LUZP2: variants seen among roughly 807,000 people sequenced by gnomAD.
LUZP2 encodes the protein leucine zipper protein 2.
LUZP2 carries 52 observed loss-of-function variants against 51.6 expected under a neutral mutation model. The ratio of observed to expected loss-of-function variants is 1.01; its 90% confidence interval spans 0.81 to 1.27. The LOEUF (loss-of-function observed/expected upper bound fraction) is 1.27, where lower values mean the gene tolerates loss of function less well. Ranked by LOEUF, LUZP2 falls within the 50% of genes most tolerant of loss-of-function variation. The pLI, the probability that LUZP2 is intolerant of heterozygous loss-of-function variation, is 0.00. For synonymous variants in LUZP2, 154 were observed against 137.3 expected, an observed-to-expected ratio of 1.12 and a Z score of -0.85; for missense variants, 436 against 395.4, an observed-to-expected ratio of 1.10 and a Z score of -0.87.
At chr11:24,509,318 G>C (rs1156793311) in intron 1 of LUZP2, among the ~76,000 whole-genome samples, 1 of 151,868 alleles carries the variant, frequency 6.6e-6, no homozygotes, top group East Asian at 1.9e-4. Flanking sequence ...ATCAGAAGAT[G>C]GCACTGTGAA....
chr11:24,963,348 T>G (rs1314901817), intron 7 of LUZP2, among the ~76,000 whole-genome samples: 26 of 152,280 alleles, frequency 1.7e-4, no homozygotes, highest in African/African-American at 5.8e-4. Context: ...TTTTTGTTTG[T>G]CTGTGCCCTG....
intron 5 of LUZP2, among the ~76,000 whole-genome samples, chr11:24,832,311 A>G (rs1168900690): frequency 2.0e-5 from 3 of 152,146 alleles, no homozygotes; most frequent in African/African-American, 7.2e-5. Flanking sequence ...CTCCTGTAAC[A>G]GCCCTGATCA....
intron 1 of LUZP2, among the ~76,000 whole-genome samples, chr11:24,570,366 C>T (rs1553740): frequency 0.42 from 63,392 of 151,810 alleles, 13,763 homozygotes; most frequent in African/African-American, 0.51. Context: ...CCAGTCATGG[C>T]TCAGGCAATT....
intron 10 of LUZP2, among the ~76,000 whole-genome samples, chr11:25,057,663 G>A (rs1044273324): frequency 4.6e-5 from 7 of 152,070 alleles, no homozygotes; most frequent in African/African-American, 1.7e-4. Context: ...GTTTTGCAAT[G>A]TTTCTGACTC....
intron 7 of LUZP2, among the ~76,000 whole-genome samples, chr11:24,932,490 G>A (rs1467929882): frequency 1.3e-5 from 2 of 152,144 alleles, no homozygotes; most frequent in African/African-American, 4.8e-5. Context: ...TGCTATGAGG[G>A]ATAGGGGTGT....
chr11:24,555,695 G>A (rs78258092), intron 1 of LUZP2, among the ~76,000 whole-genome samples: 1,588 of 152,254 alleles, frequency 0.01, 30 homozygotes, highest in African/African-American at 0.036. Flanking sequence ...GTTATCCAAG[G>A]CTGGCCATGG....
intron 7 of LUZP2, among the ~76,000 whole-genome samples, chr11:24,959,369 G>C (rs1855322030): frequency 6.6e-6 from 1 of 152,080 alleles, no homozygotes; most frequent in African/African-American, 2.4e-5. Flanking sequence ...TCATGATATT[G>C]ATACTTCCTA....
At chr11:24,559,926 AG>A (rs1851981269) in intron 1 of LUZP2, among the ~76,000 whole-genome samples, 1 of 152,100 alleles carries the variant, frequency 6.6e-6, no homozygotes, top group African/African-American at 2.4e-5. Context: ...TAGACCCTTT[AG>A]GCTGACTCTT....
At chr11:24,509,207 C>T (rs1366643051) in intron 1 of LUZP2, among the ~76,000 whole-genome samples, 1 of 152,046 alleles carries the variant, frequency 6.6e-6, no homozygotes, top group Non-Finnish European at 1.5e-5. Flanking sequence ...GCAACAAACT[C>T]AACATTCACA....
rs148099178 is a variant in LUZP2, at chr11:24,540,226, C to T, written c.62+42921C>T. On this transcript the variant is annotated intron_variant, in intron 1 of 11. Coordinates refer to ENST00000336930, the MANE Select transcript of LUZP2 (RefSeq NM_001009909.4). ...CTTTACAATTACGACTCTTCAAATA[C>T]GTTAGAAGCCCACAAGTAGGGGAGT... Among the ~76,000 whole-genome samples the T allele has an allele frequency of 4.1e-3, 619 of 152,086 alleles. 3 individuals are homozygous for T. Among genetic ancestry groups the T allele is most frequent in the Non-Finnish European group, 7.0e-3 (475 of 67,962 alleles).
At chr11:24,589,708 A>G (rs1590214028) in intron 1 of LUZP2, among the ~76,000 whole-genome samples, 1 of 152,202 alleles carries the variant, frequency 6.6e-6, no homozygotes, top group African/African-American at 2.4e-5. Context: ...TTAGCATTAA[A>G]GAAGTCAGGC....
At chr11:24,731,636 T>A (rs1190722537) in intron 2 of LUZP2, among the ~76,000 whole-genome samples, 1 of 151,696 alleles carries the variant, frequency 6.6e-6, no homozygotes, top group Non-Finnish European at 1.5e-5. Context: ...GTGTGTGTCT[T>A]AATGTATTAC....
intron 1 of LUZP2, among the ~76,000 whole-genome samples, chr11:24,518,498 AAAACGAATGGAAG>A (rs1414657360): frequency 1.4e-4 from 21 of 152,168 alleles, no homozygotes; most frequent in African/African-American, 5.1e-4. Flanking sequence ...CCTCCTTTTT[AAAACGAATGGAAG>A]AGAAACTGTT....
intron 4 of LUZP2, 85 bp from the exon 5 acceptor site, chr11:24,763,161 T>C: frequency 7.6e-6 from 5 of 656,858 alleles, no homozygotes; most frequent in Non-Finnish European, 1.2e-5. Flanking sequence ...AAATAATTTA[T>C]TATTTCTCAA....
At chr11:24,834,515 T>A (rs767565247) in intron 5 of LUZP2, among the ~76,000 whole-genome samples, 2 of 152,220 alleles carry the variant, frequency 1.3e-5, no homozygotes, top group Non-Finnish European at 2.9e-5. Flanking sequence ...TTGGGTTGGT[T>A]TGAAGTCTTT....
chr11:24,866,640 CA>C (rs1241605431), intron 5 of LUZP2, among the ~76,000 whole-genome samples: 3 of 151,664 alleles, frequency 2.0e-5, no homozygotes, highest in South Asian at 4.2e-4. Context: ...GAACAGAACA[CA>C]AAAAAAACTG....
intron 5 of LUZP2, among the ~76,000 whole-genome samples, chr11:24,822,542 C>T (rs1387265545): frequency 6.6e-6 from 1 of 152,130 alleles, no homozygotes; most frequent in African/African-American, 2.4e-5. Flanking sequence ...TGTCATTACA[C>T]ATTTCCCCAT....
chr11:24,561,577 C>T (rs1805554675), intron 1 of LUZP2, among the ~76,000 whole-genome samples: 1 of 152,082 alleles, frequency 6.6e-6, no homozygotes, highest in Admixed American at 6.6e-5. Flanking sequence ...GAGAACCAAA[C>T]ACTGCATGTT....
At chr11:24,599,586 C>A (rs1313120183) in intron 1 of LUZP2, among the ~76,000 whole-genome samples, 1 of 152,146 alleles carries the variant, frequency 6.6e-6, no homozygotes, top group Non-Finnish European at 1.5e-5. Flanking sequence ...TCACACCTGT[C>A]CAAACTAAGC....
Sources: gnomAD v4.1 joint callset for allele counts (sites outside exome capture counted in the v4.1 genomes callset) on GRCh38, gnomAD v4.1.1 for gene constraint, MANE v1.5 for transcripts, NCBI Gene and HGNC (gene_info 2026-07-23, HGNC 2026-07-21) for gene names.